The following SEMA6B variants were observed in gnomAD, a reference collection of about 807,000 sequenced individuals.
SEMA6B encodes the protein semaphorin 6B.
Under a neutral mutation model 78.6 loss-of-function variants are expected in SEMA6B, and 47 were observed. The observed-to-expected ratio is 0.60, with a 90% CI of 0.47 to 0.76. The LOEUF (loss-of-function observed/expected upper bound fraction) is 0.76. Ranked by LOEUF, SEMA6B falls within the 30% of genes least tolerant of loss-of-function variation. The probability of loss-of-function intolerance (pLI) is 0.00; values close to 1 mark genes in which losing one functional copy is unlikely to be tolerated. For synonymous variants in SEMA6B, 632 were observed against 592.2 expected, an observed-to-expected ratio of 1.07 and a Z score of -0.98; for missense variants, 1,213 against 1,269.9, an observed-to-expected ratio of 0.96 and a Z score of 0.68.
intron 12 of SEMA6B, 134 bp downstream of exon 12, chr19:4,549,987 CTG>C (rs1977278984): frequency 3.9e-6 from 3 of 773,004 alleles, no homozygotes; most frequent in Non-Finnish European, 6.2e-6. Context: ...CTTTCCCTCT[CTG>C]TCTCTCTGTG....
Position 4,544,796 on chromosome 19 carries a change from C to T in SEMA6B, c.1739-267G>A, listed in dbSNP as rs1437978862. Among the ~76,000 whole-genome samples the T allele has an allele frequency of 1.3e-5, 2 of 151,754 alleles. No homozygotes were observed. Among genetic ancestry groups the T allele is most frequent in the African/African-American group, 4.8e-5 (2 of 41,318 alleles). On this transcript the variant is annotated intron_variant, in intron 16 of 16. Coordinates refer to ENST00000586582, the MANE Select transcript of SEMA6B (RefSeq NM_032108.4). This position sits in a 1 kb window ranked among gnomAD's most constrained non-coding sequence, Gnocchi z 5.1. ...GACCACAGGTGCCCACCACCACGCC[C>T]GGCTAATTTTTGTATTTTTAGTAGG... is the stretch of plus-strand genomic sequence containing the variant.
In SEMA6B at chr19:4,544,609, T is replaced by C; in HGVS notation, c.1739-80A>G. On this transcript the variant is annotated intron_variant, in intron 16 of 16. Transcript: ENST00000586582. The surrounding 1 kb of genome is among the most constrained non-coding windows in gnomAD (Gnocchi z 5.1). ...CCTCCTACCTCCTCGGGGCCCTCTG[T>C]CCTCTTTTTTATTATTTTTATTTTT... 1 of 720,018 alleles carries C rather than the reference T, an allele frequency of 1.4e-6. No homozygotes were observed. 44.6% of individuals were successfully genotyped at this position (720,018 alleles called of 1,614,324 possible). A position where few individuals can be genotyped will look rare whatever the true frequency, so the allele number is the denominator to read the frequency against.
chr19:4,554,429 A>G lies in SEMA6B; in HGVS notation c.730T>C (p.Phe244Leu). The G allele has an allele frequency of 6.2e-7, 1 of 1,614,024 alleles. No homozygotes were observed. Among genetic ancestry groups the G allele is most frequent in the Non-Finnish European group, 8.5e-7 (1 of 1,180,002 alleles). ...AVEWGSHVYF[F>L]FREIAMEFNY... ...AACTCCATCGCAATCTCCCGGAAGA[A>G]GAAGTAGACATGGCTGCCCCACTCC... Residue 244 changes from phenylalanine (F) to leucine (L), a missense_variant, in exon 9 of 17, where the codon TTC becomes CTC. Coordinates refer to ENST00000586582, the MANE Select transcript of SEMA6B (RefSeq NM_032108.4).
chr19:4,557,373 C>T (rs983324233), intron 3 of SEMA6B, 150 bp from the exon 4 acceptor site: 16 of 618,188 alleles, frequency 2.6e-5, no homozygotes, highest in East Asian at 2.2e-4. Context: ...ACCACACCCC[C>T]CCAAGGGCCC....
chr19:4,557,442 C>T (rs1977503681), intron 3 of SEMA6B, among the ~76,000 whole-genome samples: 1 of 152,200 alleles, frequency 6.6e-6, no homozygotes, highest in Admixed American at 6.5e-5. Flanking sequence ...CGGACTGCCC[C>T]CAACACCATG....
rs754396363 is a variant in SEMA6B, at chr19:4,555,570, G to A, written c.472-6C>T. 1.2e-6 allele frequency: 2 copies of A among 1,611,684 alleles called. No individual in the cohort carries two copies. Among genetic ancestry groups the A allele is most frequent in the Admixed American group, 1.7e-5 (1 of 59,842 alleles). On this transcript the variant is annotated splice_polypyrimidine_tract_variant and splice_region_variant and intron_variant, in intron 6 of 16. Transcript: ENST00000586582. This position sits in a 1 kb window ranked among gnomAD's most constrained non-coding sequence, Gnocchi z 6.1. ...ACGGGCTGCAGGGTGTCTATCTGCA[G>A]GGACCATGGGGCCTGAGTGACAGAT...
At position 4,552,492 on chromosome 19, in the gene SEMA6B, C is replaced by T; in HGVS notation, c.919G>A (p.Ala307Thr). The T allele has an allele frequency of 1.9e-6, 3 of 1,612,150 alleles. No homozygotes were observed. Among genetic ancestry groups the T allele is most frequent in the South Asian group, 2.2e-5 (2 of 90,940 alleles). Residue 307 changes from alanine to threonine, a missense_variant, in exon 10 of 17, where the codon GCT becomes ACT. Coordinates refer to ENST00000586582, the MANE Select transcript of SEMA6B (RefSeq NM_032108.4). This position sits in a 1 kb window ranked among gnomAD's most constrained non-coding sequence, Gnocchi z 7.4. ...CCGAGGCTGACCACGCCCGTGACAG[C>T]CTGCAGCACGTTGAAGTAGAAATGG... The part of the protein sequence containing the change: ...DSHFYFNVLQ[A>T]VTGVVSLGGR...
rs746446058 is a variant in SEMA6B at position 4,552,482 on chromosome 19, C to T, written c.929G>A (p.Gly310Asp). ...GGGCCGGCCCCCGAGGCTGACCACG[C>T]CCGTGACAGCCTGCAGCACGTTGAA... Reference protein sequence around the residue: ...FYFNVLQAVTGVVSLGGRPVV... With the variant: ...FYFNVLQAVTDVVSLGGRPVV... The change falls in exon 10 of 17, where the codon GGC (glycine) becomes GAC (aspartate). Residue 310 changes from glycine to aspartate, a missense_variant. Gly to Asp is a moderately conservative substitution (Grantham distance 94, BLOSUM62 -1). Transcript: ENST00000586582. This position sits in a 1 kb window ranked among gnomAD's most constrained non-coding sequence, Gnocchi z 7.4. The T allele has an allele frequency of 1.2e-6, 2 of 1,610,814 alleles. No homozygotes were observed. Among genetic ancestry groups the T allele is most frequent in the East Asian group, 2.2e-5 (1 of 44,782 alleles).
chr19:4,546,210 A>G lies in SEMA6B; in HGVS notation c.1738+6T>C, dbSNP rs748063657. On this transcript the variant is annotated splice_donor_region_variant and intron_variant, in intron 16 of 16. Transcript: ENST00000586582. ...GGGGTCTTAGCCTGCCGTCCCCCCAACTCACCTGTGCAGTCCCCTAAGCCT... is the reference window on the plus strand; with the variant it reads ...GGGGTCTTAGCCTGCCGTCCCCCCAGCTCACCTGTGCAGTCCCCTAAGCCT... 15 of 1,604,736 alleles carry G rather than the reference A, an allele frequency of 9.3e-6. No homozygotes were observed. The highest frequency in any genetic ancestry group is 4.5e-5 in the East Asian group (2 of 44,668).
chr19:4,546,414 T>G lies in SEMA6B; in HGVS notation c.1657A>C (p.Ile553Leu). The G allele has an allele frequency of 1.3e-6, 2 of 1,583,954 alleles. No individual in the cohort carries two copies. The highest frequency in any genetic ancestry group is 1.7e-6 in the Non-Finnish European group (2 of 1,164,478). ...TACCTGGTGCCCGGGCTGAGGAAGATGCAGGAGCCGTCGGGGGCCCACCCG... is the reference window on the plus strand; with the variant it reads ...TACCTGGTGCCCGGGCTGAGGAAGAGGCAGGAGCCGTCGGGGGCCCACCCG... ...YCGWAPDGSC[I>L]FLSPGTRAAF... Residue 553 changes from isoleucine (I) to leucine (L), a missense_variant, in exon 15 of 17, where the codon ATC becomes CTC. Transcript: ENST00000586582.
intron 12 of SEMA6B, 126 bp downstream of exon 12, chr19:4,549,997 G>C (rs1977279219): frequency 1.2e-6 from 1 of 833,160 alleles, no homozygotes; most frequent in South Asian, 1.7e-5. Context: ...CTGTCTCTCT[G>C]TGTCTCCAGC....
At position 4,543,949 on chromosome 19, in the gene SEMA6B, G is replaced by T; in HGVS notation, c.2319C>A (p.Arg773=). The stretch of plus-strand genomic sequence containing the variant: ...CGCGGCCGGGCCGGGCAGCATAGAG[G>T]CGGCCGTCGGGGGTCGGCTCCCCAG... ...PAPGEPTPDG[R]LYAARPGRAS... Residue 773 remains arginine, a synonymous_variant, in exon 17 of 17, where the codon CGC becomes CGA. Transcript: ENST00000586582. 1 of 1,201,886 alleles carries T rather than the reference G, an allele frequency of 8.3e-7. No individual in the cohort carries two copies. The highest frequency in any genetic ancestry group is 1.0e-6 in the Non-Finnish European group (1 of 969,026). 74.5% of individuals were successfully genotyped at this position (1,201,886 alleles called of 1,614,324 possible). A position where few individuals can be genotyped will look rare whatever the true frequency, so the allele number is the denominator to read the frequency against.
chr19:4,551,821 C>G (rs1977341539), intron 10 of SEMA6B, among the ~76,000 whole-genome samples: 1 of 115,724 alleles, frequency 8.6e-6, no homozygotes, highest in African/African-American at 3.0e-5. Context: ...AAGAGTGAAA[C>G]TGTCTCAAAA....
At chr19:4,551,631 T>A (rs1340848953) in intron 10 of SEMA6B, among the ~76,000 whole-genome samples, 1 of 150,712 alleles carries the variant, frequency 6.6e-6, no homozygotes, top group Non-Finnish European at 1.5e-5. Flanking sequence ...GGAGTTTGAG[T>A]CCAGCCTGAC....
chr19:4,543,991 G>C lies in SEMA6B; in HGVS notation c.2277C>G (p.Pro759=). The C allele has an allele frequency of 6.6e-6, 8 of 1,206,352 alleles. No individual in the cohort carries two copies. Among genetic ancestry groups the C allele is most frequent in the South Asian group, 4.0e-5 (1 of 24,754 alleles). The allele number at this position is 1,206,352 out of a possible 1,614,324, so 74.7% of individuals were successfully genotyped here. A position where few individuals can be genotyped will look rare whatever the true frequency, so the allele number is the denominator to read the frequency against. Residue 759 remains proline, a synonymous_variant, in exon 17 of 17, where the codon CCC becomes CCG. Coordinates refer to ENST00000586582, the MANE Select transcript of SEMA6B (RefSeq NM_032108.4). ...SLLLLAPARA[P]EQPPAPGEPT... ...GCTCCCCAGGCGCGGGGGGCTGCTC[G>C]GGGGCCCGGGCGGGCGCCAGCAGCA...
chr19:4,554,853 C>G lies in SEMA6B; in HGVS notation c.682+123G>C. The G allele has an allele frequency of 3.2e-6, 4 of 1,242,446 alleles. No homozygotes were observed. The South Asian group carries it at 4.4e-5, about 14-fold the overall frequency. The allele number at this position is 1,242,446 out of a possible 1,614,324, so 77.0% of individuals were successfully genotyped here. ...AGTCTTCAAAAAGGCCAACAGATTC[C>G]AAAGATGTGGTGGAAATCTCTCCAC... On this transcript the variant is annotated intron_variant, in intron 8 of 16. Transcript: ENST00000586582.
Position 4,550,688 on chromosome 19 carries a change from G to A in SEMA6B, c.1121+111C>T. 4 of 1,335,144 alleles carry A rather than the reference G, an allele frequency of 3.0e-6. No individual in the cohort carries two copies. In the South Asian group the frequency reaches 4.1e-5, roughly 14 times the overall value. 82.7% of individuals were successfully genotyped at this position (1,335,144 alleles called of 1,614,324 possible). A position where few individuals can be genotyped will look rare whatever the true frequency, so the allele number is the denominator to read the frequency against. ...CTCAGTTTTTCCCAACTGTATAACG[G>A]GTACAGCTGAACTCAGCATCAGCTA... On this transcript the variant is annotated intron_variant, in intron 11 of 16. Coordinates refer to ENST00000586582, the MANE Select transcript of SEMA6B (RefSeq NM_032108.4). The surrounding 1 kb of genome is among the most constrained non-coding windows in gnomAD (Gnocchi z 6.6).
chr19:4,547,789 C>CCAT lies in SEMA6B; in HGVS notation c.1601+237_1601+238insATG, dbSNP rs1555697312. Among the ~76,000 whole-genome samples, 2 of 151,134 alleles carry CCAT rather than the reference C, an allele frequency of 1.3e-5. 1 individual carries two copies. Among genetic ancestry groups the CCAT allele is most frequent in the Non-Finnish European group, 2.9e-5 (2 of 67,846 alleles). On this transcript the variant is annotated intron_variant, in intron 14 of 16. Transcript: ENST00000586582. The stretch of plus-strand genomic sequence containing the variant: ...TGCCTCGTCCTCTCCCATCCCCTCC[C>CCAT]CGTCCTCCCCTCCTCCCTCACTCCC...
At chr19:4,548,939 C>G (rs1599776311) in intron 12 of SEMA6B, among the ~76,000 whole-genome samples, 1 of 152,342 alleles carries the variant, frequency 6.6e-6, no homozygotes, top group South Asian at 2.1e-4. Flanking sequence ...CTGCCTCAGC[C>G]TCCCAAGTAG....
Sources: allele counts gnomAD v4.1 joint callset (sites outside exome capture counted in the v4.1 genomes callset), GRCh38; gene constraint gnomAD v4.1.1; non-coding constraint Gnocchi (gnomAD v3.1); transcripts MANE v1.5; gene names NCBI Gene and HGNC (gene_info 2026-07-23, HGNC 2026-07-21).